Variants in BCL2 observed in about 807,000 individuals in gnomAD.
BCL2 encodes the protein apoptosis regulator Bcl-2.
A neutral mutation model predicts 14.2 loss-of-function variants in BCL2; 1 was observed. The ratio of observed to expected loss-of-function variants is 0.07; its 90% CI spans 0.02 to 0.33. BCL2 has a LOEUF of 0.33. BCL2 is among the 10% of genes least tolerant of loss of function. The pLI, the probability that BCL2 is intolerant of heterozygous loss-of-function variation, is 0.99. For synonymous variants in BCL2, 151 were observed against 137.2 expected, an observed-to-expected ratio of 1.10 and a Z score of -0.70; for missense variants, 247 against 305.9, an observed-to-expected ratio of 0.81 and a Z score of 1.44.
chr18:63,195,531 A>C (rs1489087494), intron 2 of BCL2, among the ~76,000 whole-genome samples: 1 of 152,212 alleles, frequency 6.6e-6, no homozygotes, highest in Non-Finnish European at 1.5e-5. Context: ...AAAGTGAAAG[A>C]AGGAGCTTTA....
chr18:63,260,272 G>A (rs907607221), intron 2 of BCL2, among the ~76,000 whole-genome samples: 1 of 151,992 alleles, frequency 6.6e-6, no homozygotes, highest in Non-Finnish European at 1.5e-5. Context: ...ACATGTACAC[G>A]CACACACACA....
rs963973319 is a variant in BCL2, at chr18:63,128,080, C to T, written c.*545G>A. ...CTTCAGGCCAGGGAGGCATGGACTT[C>T]CCCCCACAGGAACCCTCCCTCTGTT... On this transcript the variant is annotated 3_prime_UTR_variant, in exon 3 of 3. Coordinates refer to ENST00000333681, the MANE Select transcript of BCL2 (RefSeq NM_000633.3). 4 of 225,768 alleles carry T rather than the reference C, an allele frequency of 1.8e-5. No individual in the cohort carries two copies. 14.0% of individuals were successfully genotyped at this position (225,768 alleles called of 1,614,324 possible). A position where few individuals can be genotyped will look rare whatever the true frequency, so the allele number is the denominator to read the frequency against.
chr18:63,264,217 A>T (rs931880971), intron 2 of BCL2, among the ~76,000 whole-genome samples: 1 of 152,194 alleles, frequency 6.6e-6, no homozygotes, highest in Non-Finnish European at 1.5e-5. Context: ...TTTTTAAAGA[A>T]CAACAAAATG....
At position 63,128,019 on chromosome 18, in the gene BCL2, G is replaced by T. The variant is rs1913956210; in HGVS notation, c.*606C>A. 1 of 225,722 alleles carries T rather than the reference G, an allele frequency of 4.4e-6. No individual in the cohort carries two copies. The highest frequency in any genetic ancestry group is 8.8e-6 in the Non-Finnish European group (1 of 113,138). The allele number at this position is 225,722 out of a possible 1,614,324, so 14.0% of individuals were successfully genotyped here. On this transcript the variant is annotated 3_prime_UTR_variant, in exon 3 of 3. Transcript: ENST00000333681. ...TTCCCAACTCTTTTCCTCCCACCAG[G>T]TATGCATCATGTGAGTCATATGCAA...
chr18:63,289,534 G>A (rs1344229), intron 2 of BCL2, among the ~76,000 whole-genome samples: 53,275 of 151,948 alleles, frequency 0.35, 9,571 homozygotes, highest in South Asian at 0.4. Context: ...ATAGGTTGCA[G>A]TGAAAGATGG....
intron 2 of BCL2, among the ~76,000 whole-genome samples, chr18:63,298,905 C>T (rs758224765): frequency 1.4e-4 from 21 of 152,138 alleles, no homozygotes; most frequent in Non-Finnish European, 2.8e-4. Flanking sequence ...CAGCAGCTTC[C>T]TGGAAGGCTC....
intron 2 of BCL2, among the ~76,000 whole-genome samples, chr18:63,147,104 TGTTCTGATGTCTTG>T (rs1275359581): frequency 6.6e-6 from 1 of 152,232 alleles, no homozygotes; most frequent in African/African-American, 2.4e-5. Context: ...TAAGCTGGTC[TGTTCTGATGTCTTG>T]GTTCTATCAC....
In BCL2 at chr18:63,274,583, C is replaced by T. The variant is rs150722898; in HGVS notation, c.585+43499G>A. ...TACAGGCATGAGCCACCATATGCAG[C>T]CGATTTTATAATGATACTCTAAATA... On this transcript the variant is annotated intron_variant, in intron 2 of 2. Transcript: ENST00000333681. 2.8e-3 allele frequency among the ~76,000 whole-genome samples: 422 copies of T among 152,234 alleles called. 3 individuals are homozygous for T. Among genetic ancestry groups the T allele is most frequent in the African/African-American group, 9.9e-3 (411 of 41,526 alleles).
At chr18:63,225,810 G>C (rs1039698856) in intron 2 of BCL2, among the ~76,000 whole-genome samples, 48 of 152,196 alleles carry the variant, frequency 3.2e-4, no homozygotes, top group Admixed American at 2.8e-3. Context: ...CCCCACAGCA[G>C]CGTCTGGAGC....
intron 2 of BCL2, among the ~76,000 whole-genome samples, chr18:63,141,909 G>A (rs1280461097): frequency 6.6e-6 from 1 of 152,258 alleles, no homozygotes; most frequent in East Asian, 1.9e-4. Context: ...CACGGGGCAT[G>A]GCCCAGGCTG....
chr18:63,147,261 C>T (rs1396173720), intron 2 of BCL2, among the ~76,000 whole-genome samples: 2 of 152,164 alleles, frequency 1.3e-5, no homozygotes, highest in African/African-American at 2.4e-5. Flanking sequence ...GCCCCATGGT[C>T]CTCTAAAGGT....
At chr18:63,307,615 C>T (rs138794011) in intron 2 of BCL2, among the ~76,000 whole-genome samples, 168 of 152,302 alleles carry the variant, frequency 1.1e-3, no homozygotes, top group South Asian at 4.1e-3. Flanking sequence ...CTCACAGATA[C>T]GGACAAGCTC....
intron 2 of BCL2, among the ~76,000 whole-genome samples, chr18:63,194,338 CT>C (rs147419261): frequency 7.1e-4 from 102 of 143,982 alleles, no homozygotes; most frequent in Middle Eastern, 3.6e-3. Context: ...AAACTTTTTT[CT>C]TTTTTTTTTT....
chr18:63,165,049 T>C (rs532112686), intron 2 of BCL2, among the ~76,000 whole-genome samples: 1 of 152,290 alleles, frequency 6.6e-6, no homozygotes, highest in Admixed American at 6.5e-5. Context: ...TGTGCACATG[T>C]ACCCTAAAAC....
intron 2 of BCL2, chr18:63,316,121 T>C (rs1239097992): frequency 3.3e-5 from 5 of 152,570 alleles, no homozygotes; most frequent in African/African-American, 1.2e-4. Flanking sequence ...GAAAACTCTG[T>C]TTCACAAAAA....
At chr18:63,198,432 A>T (rs1909522867) in intron 2 of BCL2, among the ~76,000 whole-genome samples, 1 of 148,050 alleles carries the variant, frequency 6.8e-6, no homozygotes, top group African/African-American at 2.4e-5. Context: ...ACACACACAG[A>T]CACACACTGA....
chr18:63,267,842 G>A (rs140154278), intron 2 of BCL2, among the ~76,000 whole-genome samples: 2,191 of 152,166 alleles, frequency 0.014, 41 homozygotes, highest in Non-Finnish European at 0.018. Flanking sequence ...CCTTCCCTCT[G>A]TCTTTCTCTT....
At chr18:63,319,985 A>T (rs1016332899), upstream of BCL2, 3 of 152,412 alleles carry the variant, frequency 2.0e-5, no homozygotes, top group Non-Finnish European at 2.9e-5. Context: ...GCCCGCTCCG[A>T]GCGCTGACGG....
At position 63,199,301 on chromosome 18, in the gene BCL2, GAC is replaced by G. The variant is rs572680359; in HGVS notation, c.586-70544_586-70543del. Among the ~76,000 whole-genome samples, 96 of 138,780 alleles carry G rather than the reference GAC, an allele frequency of 6.9e-4. 1 individual carries two copies. The highest frequency in any genetic ancestry group is 1.2e-3 in the South Asian group (5 of 4,282). The allele number at this position is 138,780 out of a possible 152,430, so 91.0% of individuals were successfully genotyped here. A position where few individuals can be genotyped will look rare whatever the true frequency, so the allele number is the denominator to read the frequency against. ...ACACAGACACATGCACAGACACAGA[GAC>G]ACACACATATACTACACAACATGCA... On this transcript the variant is annotated intron_variant, in intron 2 of 2. Coordinates refer to ENST00000333681, the MANE Select transcript of BCL2 (RefSeq NM_000633.3).
Sources: allele counts gnomAD v4.1 joint callset (sites outside exome capture counted in the v4.1 genomes callset), GRCh38; gene constraint gnomAD v4.1.1; transcripts MANE v1.5; gene names NCBI Gene and HGNC (gene_info 2026-07-23, HGNC 2026-07-21).